Variants in CBFB observed in about 807,000 individuals in gnomAD.
The protein encoded by CBFB is core-binding factor subunit beta.
CBFB carries 9 observed loss-of-function variants against 30.4 expected under a neutral mutation model. That is an observed-to-expected ratio of 0.30 (90% CI 0.18 to 0.52). The LOEUF is 0.52. Ranked by LOEUF, CBFB falls within the 20% of genes least tolerant of loss-of-function variation. CBFB has a pLI of 0.97. For missense variants in CBFB, 170 were observed against 244.0 expected, an observed-to-expected ratio of 0.70 and a Z score of 2.02; for synonymous variants, 94 against 84.0, an observed-to-expected ratio of 1.12 and a Z score of -0.65.
intron 4 of CBFB, among the ~76,000 whole-genome samples, chr16:67,076,184 C>T (rs890705762): frequency 7.4e-5 from 11 of 148,108 alleles, no homozygotes; most frequent in Admixed American, 1.3e-4. Context: ...GAGCTGAGAT[C>T]GCGCCACTGC....
chr16:67,075,568 A>G (rs572109276), intron 4 of CBFB, among the ~76,000 whole-genome samples: 7 of 151,646 alleles, frequency 4.6e-5, no homozygotes, highest in South Asian at 2.1e-4. Flanking sequence ...GTGTGTGTGT[A>G]TATATATATA....
In CBFB at chr16:67,085,782, ATTC is replaced by A. The variant is rs959234565; in HGVS notation, c.495+3479_495+3481del. ...AAGCTCCGCCTCCCTGGTTCAAGCC[ATTC>A]TTCTGCCTCAGCCTCCCGAGTAGCT... On this transcript the variant is annotated intron_variant, in intron 5 of 5. Transcript: ENST00000412916. Among the ~76,000 whole-genome samples, 87 of 145,106 alleles carry A rather than the reference ATTC, an allele frequency of 6.0e-4. 1 individual carries two copies. Among genetic ancestry groups the A allele is most frequent in the African/African-American group, 2.1e-3 (82 of 38,826 alleles).
intron 3 of CBFB, among the ~76,000 whole-genome samples, chr16:67,040,231 G>A (rs1966506743): frequency 6.6e-6 from 1 of 152,148 alleles, no homozygotes; most frequent in Admixed American, 6.6e-5. Context: ...AAAATTGAAG[G>A]AACTTCTCCA....
At position 67,098,798 on chromosome 16, in the gene CBFB, G is replaced by T. The variant is rs1053947205; in HGVS notation, c.*20G>T. The T allele has an allele frequency of 7.0e-7, 1 of 1,426,804 alleles. No individual in the cohort carries two copies. Among genetic ancestry groups the T allele is most frequent in the African/African-American group, 1.4e-5 (1 of 71,160 alleles). The allele number at this position is 1,426,804 out of a possible 1,614,324, so 88.4% of individuals were successfully genotyped here. A position where few individuals can be genotyped will look rare whatever the true frequency, so the allele number is the denominator to read the frequency against. On this transcript the variant is annotated 3_prime_UTR_variant, in exon 6 of 6. Transcript: ENST00000412916. Reference sequence around the variant, plus strand: ...CGTTAATTAATAGCACAGCAGATGTGTGCTGCCCATCTTTACATACACATT... The same window carrying T: ...CGTTAATTAATAGCACAGCAGATGTTTGCTGCCCATCTTTACATACACATT...
intron 5 of CBFB, among the ~76,000 whole-genome samples, chr16:67,092,928 A>T (rs1448806320): frequency 6.6e-6 from 1 of 151,572 alleles, no homozygotes; most frequent in East Asian, 1.9e-4. Flanking sequence ...GGCCAGGCTG[A>T]TCTCGAACTC....
chr16:67,083,674 C>A (rs983656510), intron 5 of CBFB, among the ~76,000 whole-genome samples: 1 of 151,974 alleles, frequency 6.6e-6, no homozygotes, highest in Non-Finnish European at 1.5e-5. Context: ...TAGTCTTGCC[C>A]AGTTTTAAAA....
intron 3 of CBFB, among the ~76,000 whole-genome samples, chr16:67,048,816 TTTTTTTC>T (rs1567608806): frequency 1.4e-5 from 2 of 140,250 alleles, no homozygotes; most frequent in Admixed American, 7.2e-5. Flanking sequence ...GCCTTTTTTT[TTTTTTTC>T]TTTTTTTTTT....
At chr16:67,084,504 GGTTA>G (rs1378902173) in intron 5 of CBFB, among the ~76,000 whole-genome samples, 3 of 152,144 alleles carry the variant, frequency 2.0e-5, no homozygotes, top group Admixed American at 6.5e-5. Flanking sequence ...GGGAAATGGG[GGTTA>G]GTTATTTAAA....
At chr16:67,037,765 T>G (rs1966466239) in intron 3 of CBFB, among the ~76,000 whole-genome samples, 1 of 151,290 alleles carries the variant, frequency 6.6e-6, no homozygotes. Context: ...CCTCCTGGGT[T>G]TTAAGCTATT....
chr16:67,032,937 T>A (rs1272151952), intron 2 of CBFB, among the ~76,000 whole-genome samples: 1 of 151,836 alleles, frequency 6.6e-6, no homozygotes. Context: ...TGCAGTGGCA[T>A]GATCTTGGCT....
At chr16:67,029,947 G>A (rs1597117366) in intron 2 of CBFB, 134 bp downstream of exon 2, 1 of 529,958 alleles carries the variant, frequency 1.9e-6, no homozygotes, top group East Asian at 3.7e-5. Context: ...TCCTACTCGG[G>A]ATTCAAAATG....
intron 3 of CBFB, among the ~76,000 whole-genome samples, chr16:67,040,084 A>G (rs1966504926): frequency 6.6e-6 from 1 of 152,196 alleles, no homozygotes; most frequent in African/African-American, 2.4e-5. Flanking sequence ...ATTTAGAGAA[A>G]AGGCATTGCC....
At chr16:67,031,052 T>G (rs1038822252) in intron 2 of CBFB, among the ~76,000 whole-genome samples, 6 of 152,232 alleles carry the variant, frequency 3.9e-5, no homozygotes, top group African/African-American at 1.4e-4. Context: ...TCCCACCCCC[T>G]TTATAAAACC....
chr16:67,033,568 C>T (rs1966390553), intron 2 of CBFB, among the ~76,000 whole-genome samples: 1 of 151,862 alleles, frequency 6.6e-6, no homozygotes, highest in South Asian at 2.1e-4. Flanking sequence ...GATGTGCCTG[C>T]CTCAGTGAGC....
chr16:67,082,354 C>A, intron 5 of CBFB, 46 bp downstream of exon 5: 1 of 1,603,598 alleles, frequency 6.2e-7, no homozygotes, highest in Non-Finnish European at 8.5e-7. Context: ...GTACTTTCCC[C>A]CAAACTCTCA....
rs192975158 is a variant in CBFB at position 67,081,024 on chromosome 16, T to C, written c.400-1189T>C. Among the ~76,000 whole-genome samples, 865 of 152,162 alleles carry C rather than the reference T, an allele frequency of 5.7e-3. 3 individuals are homozygous for C. Among genetic ancestry groups the C allele is most frequent in the African/African-American group, 0.019 (808 of 41,524 alleles). On this transcript the variant is annotated intron_variant, in intron 4 of 5. Coordinates refer to ENST00000412916, the MANE Select transcript of CBFB (RefSeq NM_022845.3). Reference sequence around the variant, plus strand: ...TAAGTTTTAGGGTACGTGTACACAATGTGCAGATTAGTTACATATGTATAC... The same window carrying C: ...TAAGTTTTAGGGTACGTGTACACAACGTGCAGATTAGTTACATATGTATAC...
intron 3 of CBFB, among the ~76,000 whole-genome samples, chr16:67,058,067 AT>A (rs1960781192): frequency 6.6e-6 from 1 of 152,222 alleles, no homozygotes; most frequent in African/African-American, 2.4e-5. Context: ...TTACTTTGGG[AT>A]AAATTGTCAT....
chr16:67,093,294 G>A (rs1169280462), intron 5 of CBFB: 1 of 150,842 alleles, frequency 6.6e-6, no homozygotes, highest in Non-Finnish European at 1.5e-5. Flanking sequence ...ACAGTATCTG[G>A]ACATAGTACA....
At chr16:67,033,916 C>T (rs1440131504) in intron 2 of CBFB, among the ~76,000 whole-genome samples, 3 of 149,974 alleles carry the variant, frequency 2.0e-5, no homozygotes, top group African/African-American at 7.4e-5. Flanking sequence ...GCAACCTCTG[C>T]CTCCTGGGTT....
Sources: allele counts gnomAD v4.1 joint callset (sites outside exome capture counted in the v4.1 genomes callset), GRCh38; gene constraint gnomAD v4.1.1; transcripts MANE v1.5; gene names NCBI Gene and HGNC (gene_info 2026-07-23, HGNC 2026-07-21).